The following PRLR variants were observed in gnomAD, a reference collection of about 807,000 sequenced individuals.
The protein encoded by PRLR is hPRL receptor.
In PRLR, 13 loss-of-function variants were observed where a neutral mutation model predicts 40.2. The observed-to-expected ratio is 0.32, with a 90% CI of 0.21 to 0.51. PRLR has a LOEUF of 0.51. PRLR is among the 20% of genes least tolerant of loss of function. The pLI is 0.97. For missense variants in PRLR, 656 were observed against 747.3 expected (o/e 0.88, Z 1.42); for synonymous variants, 269 against 278.7 (o/e 0.97, Z 0.35).
chr5:35,081,467 C>A, intron 5 of PRLR: 1 of 182,684 alleles, frequency 5.5e-6, no homozygotes. Flanking sequence ...AATATGACAT[C>A]AAAAAGGTGG....
At chr5:35,179,503 C>A (rs1775235944) in intron 1 of PRLR, among the ~76,000 whole-genome samples, 1 of 152,184 alleles carries the variant, frequency 6.6e-6, no homozygotes, top group Admixed American at 6.5e-5. Context: ...GGTGGGACAA[C>A]AATAAGCAAG....
chr5:35,180,660 T>G (rs2111975932), intron 1 of PRLR, among the ~76,000 whole-genome samples: 1 of 152,248 alleles, frequency 6.6e-6, no homozygotes, highest in Non-Finnish European at 1.5e-5. Context: ...CGTGTATACA[T>G]GTGCCATGTT....
intron 1 of PRLR, among the ~76,000 whole-genome samples, chr5:35,200,308 C>T (rs534017558): frequency 2.2e-4 from 33 of 152,270 alleles, no homozygotes; most frequent in African/African-American, 4.8e-4. Flanking sequence ...CCAATTCTAT[C>T]GTGGCTACAT....
At chr5:35,168,880 A>T (rs1157977168) in intron 1 of PRLR, among the ~76,000 whole-genome samples, 1 of 152,134 alleles carries the variant, frequency 6.6e-6, no homozygotes, top group Non-Finnish European at 1.5e-5. Context: ...ATATATTACT[A>T]ATATAGGACT....
chr5:35,181,777 G>T (rs1775303719), intron 1 of PRLR, among the ~76,000 whole-genome samples: 1 of 152,126 alleles, frequency 6.6e-6, no homozygotes, highest in South Asian at 2.1e-4. Flanking sequence ...GGCTCTATGT[G>T]CCTGTGCTTC....
At chr5:35,148,379 A>C (rs921256005) in intron 1 of PRLR, among the ~76,000 whole-genome samples, 15 of 152,136 alleles carry the variant, frequency 9.9e-5, no homozygotes, top group African/African-American at 3.4e-4. Flanking sequence ...TAGAAGATTC[A>C]GTTTCTAGCC....
chr5:35,133,327 T>C (rs2962090), intron 1 of PRLR, among the ~76,000 whole-genome samples: 34,739 of 152,024 alleles, frequency 0.23, 7,572 homozygotes, highest in African/African-American at 0.57. Flanking sequence ...CATGTATACC[T>C]ATATATATCC....
chr5:35,119,582 G>C (rs1773207815), intron 1 of PRLR, among the ~76,000 whole-genome samples: 2 of 152,110 alleles, frequency 1.3e-5, no homozygotes, highest in South Asian at 4.1e-4. Context: ...CAGATGTCTG[G>C]GGCACGTTTC....
intron 1 of PRLR, among the ~76,000 whole-genome samples, chr5:35,166,185 C>T (rs1774820962): frequency 6.6e-6 from 1 of 152,110 alleles, no homozygotes; most frequent in Non-Finnish European, 1.5e-5. Context: ...GTTTGTTTTG[C>T]CTCAGAATAG....
At chr5:35,096,595 G>A (rs916889940) in intron 2 of PRLR, among the ~76,000 whole-genome samples, 3 of 151,902 alleles carry the variant, frequency 2.0e-5, no homozygotes, top group Non-Finnish European at 2.9e-5. Context: ...ACAGTCCAAG[G>A]AGTGTCTTAA....
chr5:35,192,963 G>T (rs992362948), intron 1 of PRLR, among the ~76,000 whole-genome samples: 2 of 152,162 alleles, frequency 1.3e-5, no homozygotes, highest in Non-Finnish European at 2.9e-5. Flanking sequence ...GTTTTTTCCT[G>T]CTTGCATTTG....
intron 1 of PRLR, among the ~76,000 whole-genome samples, chr5:35,159,092 G>T (rs1579745778): frequency 6.6e-6 from 1 of 152,102 alleles, no homozygotes; most frequent in African/African-American, 2.4e-5. Flanking sequence ...GATTGAGTGG[G>T]GTGTCATGTT....
At chr5:35,115,606 G>A (rs1214991334) in intron 2 of PRLR, among the ~76,000 whole-genome samples, 1 of 152,070 alleles carries the variant, frequency 6.6e-6, no homozygotes, top group African/African-American at 2.4e-5. Flanking sequence ...GGGCAGAAGT[G>A]TGCGGATGGG....
intron 1 of PRLR, among the ~76,000 whole-genome samples, chr5:35,121,832 T>C (rs567634481): frequency 6.6e-6 from 1 of 152,208 alleles, no homozygotes; most frequent in African/African-American, 2.4e-5. Context: ...CCAACCACAA[T>C]TCCATTCTGC....
At chr5:35,082,012 C>T (rs529655463) in intron 5 of PRLR, 72 of 158,040 alleles carry the variant, frequency 4.6e-4, no homozygotes, top group Non-Finnish European at 8.9e-4. Context: ...GACCCCTGGA[C>T]CACCACCCCC....
intron 1 of PRLR, among the ~76,000 whole-genome samples, chr5:35,178,609 A>G (rs927695682): frequency 1.3e-5 from 2 of 152,214 alleles, no homozygotes; most frequent in African/African-American, 4.8e-5. Context: ...TCTATGATAA[A>G]TTTAGTATAA....
chr5:35,102,602 G>T (rs991701502), intron 2 of PRLR, among the ~76,000 whole-genome samples: 1 of 146,456 alleles, frequency 6.8e-6, no homozygotes, highest in African/African-American at 2.5e-5. Flanking sequence ...GAGTGCAGTG[G>T]CCCAATCTTG....
intron 1 of PRLR, among the ~76,000 whole-genome samples, chr5:35,120,052 C>A (rs1162065773): frequency 1.3e-5 from 2 of 152,162 alleles, no homozygotes; most frequent in Admixed American, 1.3e-4. Context: ...CACGTCTATT[C>A]TTTACCTGCT....
downstream of PRLR, among the ~76,000 whole-genome samples, chr5:35,054,659 G>A (rs1398239565): frequency 6.6e-6 from 1 of 152,180 alleles, no homozygotes; most frequent in African/African-American, 2.4e-5. Context: ...AAAATTAAAT[G>A]TTGATGAATA....
Sources: gnomAD v4.1 joint callset for allele counts (sites outside exome capture counted in the v4.1 genomes callset) on GRCh38, gnomAD v4.1.1 for gene constraint, MANE v1.5 for transcripts, NCBI Gene and HGNC (gene_info 2026-07-23, HGNC 2026-07-21) for gene names.